The following GGTA1 variants were observed in gnomAD, a reference collection of about 807,000 sequenced individuals.
The protein encoded by GGTA1 is glycoprotein alpha-galactosyltransferase 1 (inactive), also known as inactive N-acetyllactosaminide alpha-1,3-galactosyltransferase.
GGTA1 carries 5 observed loss-of-function variants against 2.6 expected under a neutral mutation model. The observed-to-expected ratio is 1.92, with a 90% CI of 1.00 to 4.04. The LOEUF is 4.04. Among genes scored for constraint, GGTA1 ranks in the 30% most tolerant of loss-of-function variants. The pLI is 0.00. For missense variants in GGTA1, 50 were observed against 16.7 expected (o/e 2.99, Z -3.47); for synonymous variants, 17 against 5.0 (o/e 3.38, Z -3.19).
chr9:121,487,373 C>T (rs528784979), intron 1 of GGTA1, among the ~76,000 whole-genome samples: 6 of 151,762 alleles, frequency 4.0e-5, no homozygotes, highest in Admixed American at 1.3e-4. Context: ...GTCAGGAGTT[C>T]GAGACCAGCC....
At chr9:121,488,682 A>AT (rs1276675203) in intron 1 of GGTA1, among the ~76,000 whole-genome samples, 1 of 152,138 alleles carries the variant, frequency 6.6e-6, no homozygotes, top group Non-Finnish European at 1.5e-5. Flanking sequence ...TCTCCATTGC[A>AT]TTCCAGCCTG....
chr9:121,488,736 C>A (rs1236063393), intron 1 of GGTA1, among the ~76,000 whole-genome samples: 2 of 150,956 alleles, frequency 1.3e-5, no homozygotes, highest in Admixed American at 1.3e-4. Flanking sequence ...AAAAAATTAG[C>A]CTCTGTCTCA....
chr9:121,496,871 A>AT (rs1829006541), intron 1 of GGTA1, among the ~76,000 whole-genome samples: 1 of 152,026 alleles, frequency 6.6e-6, no homozygotes, highest in Admixed American at 6.6e-5. Context: ...AACAAAAAAA[A>AT]GAGTTGTCAA....
In GGTA1 at chr9:121,469,129, G is replaced by T. The variant is rs1461221438; in HGVS notation, c.-9-1198C>A. On this transcript the variant is annotated intron_variant, in intron 1 of 5. Coordinates refer to ENST00000481799, the MANE Select transcript of GGTA1 (RefSeq NM_001382585.1). ...TCGCTGCGTGAAACTGCTTAAAAAAGCAGGGGTGCTGTGTGAAGAATAACA... is the reference window on the plus strand; with the variant it reads ...TCGCTGCGTGAAACTGCTTAAAAAATCAGGGGTGCTGTGTGAAGAATAACA... Among the ~76,000 whole-genome samples, 3 of 152,294 alleles carry T rather than the reference G, an allele frequency of 2.0e-5. No individual in the cohort carries two copies. In the East Asian group the frequency reaches 5.8e-4, roughly 29 times the overall value.
chr9:121,477,846 G>A (rs1248282652), intron 1 of GGTA1, among the ~76,000 whole-genome samples: 1 of 151,970 alleles, frequency 6.6e-6, no homozygotes, highest in African/African-American at 2.4e-5. Context: ...CCAAAGTGCT[G>A]GGATTTACAG....
intron 4 of GGTA1, among the ~76,000 whole-genome samples, chr9:121,460,793 C>T (rs941671938): frequency 4.0e-5 from 6 of 151,332 alleles, no homozygotes; most frequent in Non-Finnish European, 8.8e-5. Context: ...TGTAGTGAGC[C>T]GAGACCACGC....
intron 1 of GGTA1, among the ~76,000 whole-genome samples, chr9:121,472,393 G>A (rs1341360768): frequency 2.0e-5 from 3 of 151,878 alleles, no homozygotes; most frequent in Non-Finnish European, 2.9e-5. Flanking sequence ...GCCTGGCATC[G>A]TATAAATGCA....
chr9:121,473,940 G>GAGAGAAGGAGA (rs1828449359), intron 1 of GGTA1, among the ~76,000 whole-genome samples: 16 of 122,454 alleles, frequency 1.3e-4, no homozygotes, highest in Admixed American at 4.5e-4. Context: ...AAAGAGAGAA[G>GAGAGAAGGAGA]GAGAGAGAGA....
At chr9:121,469,797 C>T (rs1828349552) in intron 1 of GGTA1, among the ~76,000 whole-genome samples, 1 of 152,186 alleles carries the variant, frequency 6.6e-6, no homozygotes, top group South Asian at 2.1e-4. Flanking sequence ...TGTAGATCTT[C>T]ACCTGCCCTG....
At chr9:121,493,681 C>T (rs966417738) in intron 1 of GGTA1, among the ~76,000 whole-genome samples, 1 of 151,370 alleles carries the variant, frequency 6.6e-6, no homozygotes, top group South Asian at 2.1e-4. Context: ...AACCTCTCCA[C>T]TATTCAACCC....
At chr9:121,493,297 C>T (rs1411785443) in intron 1 of GGTA1, among the ~76,000 whole-genome samples, 1 of 152,166 alleles carries the variant, frequency 6.6e-6, no homozygotes. Context: ...GCTGCTACCT[C>T]GTGAACTACC....
At chr9:121,467,672 TA>T (rs2065014505) in intron 2 of GGTA1, among the ~76,000 whole-genome samples, 170 bp downstream of exon 2, 1 of 152,180 alleles carries the variant, frequency 6.6e-6, no homozygotes, top group Admixed American at 6.5e-5. Context: ...TTGGGAGAGC[TA>T]ATGATTTTAA....
intron 5 of GGTA1, among the ~76,000 whole-genome samples, chr9:121,458,670 A>G (rs10985251): frequency 0.22 from 32,747 of 151,102 alleles, 4,239 homozygotes; most frequent in Non-Finnish European, 0.3. Flanking sequence ...ATAAAGGATA[A>G]GATAAGATAA....
chr9:121,471,548 TATGAAATCCAG>T (rs1163084147), intron 1 of GGTA1, among the ~76,000 whole-genome samples: 1 of 152,206 alleles, frequency 6.6e-6, no homozygotes, highest in African/African-American at 2.4e-5. Flanking sequence ...AACCCTTTAT[TATGAAATCCAG>T]TTAAAGAAGA....
intron 1 of GGTA1, among the ~76,000 whole-genome samples, chr9:121,480,061 C>CTTTTT (rs532547013): frequency 4.5e-4 from 63 of 139,846 alleles, no homozygotes; most frequent in Admixed American, 2.0e-3. Flanking sequence ...CTTTTCTTTT[C>CTTTTT]TTTTTTTTTT....
intron 1 of GGTA1, among the ~76,000 whole-genome samples, chr9:121,493,509 C>T (rs1016423400): frequency 5.3e-5 from 8 of 152,160 alleles, no homozygotes; most frequent in East Asian, 1.9e-4. Flanking sequence ...GTGAGGCTCA[C>T]GTGAGATGAG....
chr9:121,498,732 C>A (rs1302545523), intron 1 of GGTA1, among the ~76,000 whole-genome samples: 2 of 152,176 alleles, frequency 1.3e-5, no homozygotes, highest in Admixed American at 6.5e-5. Context: ...CCTCAAAACA[C>A]CTGCCTCGGG....
intron 7 of GGTA1, among the ~76,000 whole-genome samples, chr9:121,449,931 G>A (rs565633955): frequency 1.3e-5 from 2 of 151,774 alleles, no homozygotes; most frequent in Non-Finnish European, 2.9e-5. Flanking sequence ...TATTTGTGAA[G>A]CTATGCTATG....
At chr9:121,456,424 C>CT (rs983685601) in intron 5 of GGTA1, among the ~76,000 whole-genome samples, 61 of 146,310 alleles carry the variant, frequency 4.2e-4, no homozygotes, top group Middle Eastern at 3.6e-3. Context: ...AGTTAAAATT[C>CT]TTTTTTTTTT....
Sources: gnomAD v4.1 joint callset for allele counts (sites outside exome capture counted in the v4.1 genomes callset) on GRCh38, gnomAD v4.1.1 for gene constraint, MANE v1.5 for transcripts, NCBI Gene and HGNC (gene_info 2026-07-23, HGNC 2026-07-21) for gene names.